The following HNF1B variants were observed in gnomAD, a reference collection of about 807,000 sequenced individuals.
HNF1B encodes the protein hepatocyte nuclear factor 1-beta.
HNF1B carries 8 observed loss-of-function variants against 61.7 expected under a neutral mutation model. That is an observed-to-expected ratio of 0.13 (90% CI 0.08 to 0.23). The LOEUF (loss-of-function observed/expected upper bound fraction) is 0.23. Ranked by LOEUF, HNF1B falls within the 10% of genes least tolerant of loss-of-function variation. The pLI is 1.00. For missense variants in HNF1B, 562 were observed against 714.5 expected, an observed-to-expected ratio of 0.79 and a Z score of 2.43; for synonymous variants, 314 against 287.7, an observed-to-expected ratio of 1.09 and a Z score of -0.93.
chr17:37,689,145 A>AC (rs1381155105), intron 8 of HNF1B, among the ~76,000 whole-genome samples: 4,583 of 123,472 alleles, frequency 0.037, 113 homozygotes, highest in Non-Finnish European at 0.052. Flanking sequence ...ACTTGGTCTC[A>AC]CAAAAAAAAA....
At chr17:37,713,026 G>A (rs76950469) in intron 4 of HNF1B, among the ~76,000 whole-genome samples, 44 of 152,326 alleles carry the variant, frequency 2.9e-4, no homozygotes, top group African/African-American at 9.9e-4. Context: ...TGCCCTGGAA[G>A]CAACCTGGGA....
Position 37,699,150 on chromosome 17 carries a change from G to A in HNF1B, c.1579C>T (p.Arg527Trp), listed in dbSNP as rs777473392. The change falls in exon 8 of 9, where the codon CGG becomes TGG. Residue 527 changes from arginine to tryptophan, a missense_variant. Around this residue, in one of 6 missense-constraint regions of HNF1B, gnomAD observed 64 missense variants for 96.9 expected, o/e 0.66. Coordinates refer to ENST00000617811, the MANE Select transcript of HNF1B (RefSeq NM_000458.4). The part of the protein sequence containing the change: ...QEPPQYSHTS[R>W]FPSAMVVTDT... The stretch of plus-strand genomic sequence containing the variant: ...GTGACCACCATTGCAGATGGAAACC[G>A]GGAGGTGTGGGAATACTGGGGGGGT... The A allele has an allele frequency of 3.7e-6, 6 of 1,613,998 alleles. No homozygotes were observed. The highest frequency in any genetic ancestry group is 1.7e-5 in the Admixed American group (1 of 60,002).
chr17:37,710,590 G>C lies in HNF1B; in HGVS notation c.1119C>G (p.Ala373=). ...SSTISHHGNS[A]MVTSQSVLQQ... ...GTAAAACCGACTGGCTGGTCACCATGGCGCTGTTGCCATGGTGACTGATTG... is the reference window on the plus strand; with the variant it reads ...GTAAAACCGACTGGCTGGTCACCATCGCGCTGTTGCCATGGTGACTGATTG... The change falls in exon 5 of 9, where the codon GCC becomes GCG. Residue 373 remains alanine, a synonymous_variant. Transcript: ENST00000617811. 6.2e-7 allele frequency: 1 copy of C among 1,613,902 alleles called. No individual in the cohort carries two copies. The highest frequency in any genetic ancestry group is 8.5e-7 in the Non-Finnish European group (1 of 1,179,980).
intron 6 of HNF1B, among the ~76,000 whole-genome samples, chr17:37,702,607 T>C (rs1283806996): frequency 2.0e-5 from 3 of 152,240 alleles, no homozygotes; most frequent in African/African-American, 7.2e-5. Context: ...TGAGAAATCT[T>C]TGAGAGCACT....
intron 4 of HNF1B, chr17:37,720,678 T>C (rs1008267847): frequency 4.1e-6 from 2 of 486,328 alleles, no homozygotes; most frequent in African/African-American, 4.2e-5. Flanking sequence ...ATATGGAGTG[T>C]CTACCATGTG....
chr17:37,731,870 C>A, intron 3 of HNF1B, 40 bp from the exon 4 acceptor site: 1 of 394,134 alleles, frequency 2.5e-6, no homozygotes, highest in Non-Finnish European at 4.8e-6. Flanking sequence ...TGAGGGGGGG[C>A]GGGGGGACTT....
chr17:37,700,281 A>G (rs966712408), intron 7 of HNF1B, among the ~76,000 whole-genome samples: 1 of 152,258 alleles, frequency 6.6e-6, no homozygotes, highest in African/African-American at 2.4e-5. Flanking sequence ...CCTGGGACTC[A>G]GGATGAAAGG....
chr17:37,713,475 T>C (rs934537739), intron 4 of HNF1B, among the ~76,000 whole-genome samples: 1 of 152,374 alleles, frequency 6.6e-6, no homozygotes, highest in South Asian at 2.1e-4. Flanking sequence ...AAGGCTGCTG[T>C]GGTTTTTATA....
At chr17:37,711,802 C>T (rs997715654) in intron 4 of HNF1B, among the ~76,000 whole-genome samples, 4 of 152,180 alleles carry the variant, frequency 2.6e-5, no homozygotes, top group Admixed American at 6.5e-5. Flanking sequence ...TTTAGCTGCA[C>T]GTCTTCCTTT....
chr17:37,688,934 C>A (rs1765429379), intron 8 of HNF1B, among the ~76,000 whole-genome samples: 1 of 152,048 alleles, frequency 6.6e-6, no homozygotes, highest in Non-Finnish European at 1.5e-5. Flanking sequence ...ATCACAAGGT[C>A]AGGAGATCGA....
intron 1 of HNF1B, among the ~76,000 whole-genome samples, chr17:37,742,157 T>C (rs1326009537): frequency 6.6e-6 from 1 of 152,192 alleles, no homozygotes; most frequent in Non-Finnish European, 1.5e-5. Flanking sequence ...TCTCAAACAA[T>C]GACTTTGCTG....
chr17:37,692,998 G>A (rs2147423545), intron 8 of HNF1B, among the ~76,000 whole-genome samples: 1 of 152,116 alleles, frequency 6.6e-6, no homozygotes, highest in Non-Finnish European at 1.5e-5. Flanking sequence ...AGAGCAGCCT[G>A]GCCAACATAG....
In HNF1B at chr17:37,710,593, G is replaced by A. The variant is rs775094591; in HGVS notation, c.1116C>T (p.Ser372=). The stretch of plus-strand genomic sequence containing the variant: ...AAACCGACTGGCTGGTCACCATGGC[G>A]CTGTTGCCATGGTGACTGATTGTTG... ...SSSTISHHGN[S]AMVTSQSVLQ... Residue 372 remains serine, a synonymous_variant, in exon 5 of 9, where the codon AGC becomes AGT. Transcript: ENST00000617811. 6 of 1,613,314 alleles carry A rather than the reference G, an allele frequency of 3.7e-6. No individual in the cohort carries two copies. The highest frequency in any genetic ancestry group is 2.2e-5 in the East Asian group (1 of 44,872).
chr17:37,718,047 C>T (rs2033181674), intron 4 of HNF1B, among the ~76,000 whole-genome samples: 1 of 151,800 alleles, frequency 6.6e-6, no homozygotes, highest in Admixed American at 6.6e-5. Context: ...CCTGCAGGGA[C>T]AGTAAACATT....
chr17:37,692,749 CTG>C (rs2032247400), intron 8 of HNF1B, among the ~76,000 whole-genome samples: 1 of 152,302 alleles, frequency 6.6e-6, no homozygotes, highest in South Asian at 2.1e-4. Context: ...AGCAGGGAGT[CTG>C]TGTATCAGCA....
intron 6 of HNF1B, 99 bp from the exon 7 acceptor site, chr17:37,701,276 G>A (rs1598806316): frequency 8.5e-7 from 1 of 1,180,438 alleles, no homozygotes; most frequent in East Asian, 2.5e-5. Context: ...CCAGTCACCG[G>A]GCTGAGCCTG....
intron 8 of HNF1B, among the ~76,000 whole-genome samples, chr17:37,690,458 C>T (rs1490867027): frequency 6.6e-6 from 1 of 152,200 alleles, no homozygotes; most frequent in East Asian, 1.9e-4. Context: ...CTCTGGCGAA[C>T]AGCCCCCAGT....
At chr17:37,702,453 A>G (rs1008284) in intron 6 of HNF1B, among the ~76,000 whole-genome samples, 116,917 of 151,998 alleles carry the variant, frequency 0.77, 45,071 homozygotes, top group African/African-American at 0.81. Context: ...TCAGAACAGC[A>G]CTGTCTCCAG....
chr17:37,695,135 G>T (rs1040134585), intron 8 of HNF1B, among the ~76,000 whole-genome samples: 8 of 152,206 alleles, frequency 5.3e-5, no homozygotes, highest in African/African-American at 1.9e-4. Flanking sequence ...TATGGTTTTG[G>T]GGGCCAGACC....
Sources: gnomAD v4.1 joint callset for allele counts (sites outside exome capture counted in the v4.1 genomes callset) on GRCh38, gnomAD v4.1.1 for gene constraint, gnomAD v4.1.1 regional missense constraint, MANE v1.5 for transcripts, NCBI Gene and HGNC (gene_info 2026-07-23, HGNC 2026-07-21) for gene names.